The following GSE1 variants were observed in gnomAD, a reference collection of about 807,000 sequenced individuals.
GSE1 encodes genetic suppressor element 1.
In GSE1, 32 loss-of-function variants were observed where a neutral mutation model predicts 112.6. That is an observed-to-expected ratio of 0.28 (90% CI 0.21 to 0.38). The LOEUF is 0.38. GSE1 is among the 10% of genes least tolerant of loss of function. The pLI is 1.00. For synonymous variants in GSE1, 1,115 were observed against 735.6 expected, an observed-to-expected ratio of 1.52 and a Z score of -8.35; for missense variants, 2,348 against 1,699.2, an observed-to-expected ratio of 1.38 and a Z score of -6.71.
In GSE1 at chr16:85,509,370, G is replaced by C. The variant is rs140844616; in HGVS notation, c.2465-124544G>C. ...CACTAAGTTTCTCCTCAGAACAATG[G>C]GGGAGTGGCTGGCTCCCATCTGGTG... On this transcript the variant is annotated intron_variant, in intron 2 of 2. Transcript: ENST00000637419. 1.9e-3 allele frequency among the ~76,000 whole-genome samples: 296 copies of C among 152,328 alleles called. 2 individuals carry two copies. The highest frequency in any genetic ancestry group is 7.0e-3 in the African/African-American group (292 of 41,568).
intron 1 of GSE1, among the ~76,000 whole-genome samples, chr16:85,337,633 G>C (rs879882207): frequency 6.6e-6 from 1 of 150,914 alleles, no homozygotes; most frequent in Non-Finnish European, 1.5e-5. Flanking sequence ...CAGGGAAACC[G>C]GGGACCTGGC....
chr16:85,479,748 C>T (rs1282589263), intron 2 of GSE1, among the ~76,000 whole-genome samples: 1 of 152,218 alleles, frequency 6.6e-6, no homozygotes, highest in Non-Finnish European at 1.5e-5. Flanking sequence ...CGTCCCATTG[C>T]CGTGTGAACA....
chr16:85,340,147 A>C (rs1357919816), intron 1 of GSE1, among the ~76,000 whole-genome samples: 2 of 152,224 alleles, frequency 1.3e-5, no homozygotes, highest in Non-Finnish European at 2.9e-5. Flanking sequence ...CCAGGAGTTC[A>C]GACCAGCCTG....
intron 2 of GSE1, among the ~76,000 whole-genome samples, chr16:85,375,913 A>G (rs2047410319): frequency 2.0e-5 from 3 of 152,186 alleles, no homozygotes. Context: ...GCCCCATTTT[A>G]TAGGTGAAGA....
chr16:85,294,007 C>T (rs1056693926), intron 1 of GSE1, among the ~76,000 whole-genome samples: 10 of 152,320 alleles, frequency 6.6e-5, no homozygotes, highest in Middle Eastern at 3.4e-3. Flanking sequence ...TGCTTCGAGG[C>T]GCCCTCTGTG....
At chr16:85,633,804 C>CT in intron 1 of GSE1, 110 bp from the exon 2 acceptor site, 1 of 758,578 alleles carries the variant, frequency 1.3e-6, no homozygotes. Context: ...GCCCCCGGGG[C>CT]TGCCCCTGCT....
chr16:85,170,789 G>A, exon 1 of GSE1: 2 of 985,562 alleles, frequency 2.0e-6, no homozygotes, highest in Non-Finnish European at 2.4e-6. Flanking sequence ...ACCTTGGTGT[G>A]CGCCAGCTGC....
intron 1 of GSE1, among the ~76,000 whole-genome samples, chr16:85,583,848 C>G (rs2046564293): frequency 6.6e-6 from 1 of 152,210 alleles, no homozygotes; most frequent in Non-Finnish European, 1.5e-5. Context: ...GCCTGCCTCC[C>G]CGGCGGCCTC....
intron 1 of GSE1, among the ~76,000 whole-genome samples, chr16:85,625,553 G>C (rs556050612): frequency 6.6e-6 from 1 of 152,296 alleles, no homozygotes; most frequent in South Asian, 2.1e-4. Flanking sequence ...ACTGTCCAAT[G>C]CTGTTGTGTG....
chr16:85,379,633 T>A (rs4783177), intron 2 of GSE1, among the ~76,000 whole-genome samples: 1 of 152,184 alleles, frequency 6.6e-6, no homozygotes, highest in Non-Finnish European at 1.5e-5. Context: ...CGTTTTCCTG[T>A]GGCCCCTCCC....
chr16:85,226,670 G>A (rs1269980595), intron 1 of GSE1, among the ~76,000 whole-genome samples: 4 of 152,228 alleles, frequency 2.6e-5, no homozygotes, highest in South Asian at 2.1e-4. Context: ...CAGGGGGCTC[G>A]GCATGGGGAC....
chr16:85,633,850 C>A, intron 1 of GSE1, 64 bp from the exon 2 acceptor site: 1 of 1,342,150 alleles, frequency 7.5e-7, no homozygotes, highest in African/African-American at 1.5e-5. Context: ...CCCTGCCGAC[C>A]CTGCTCTGGT....
At chr16:85,325,358 T>G (rs1330904779) in intron 1 of GSE1, among the ~76,000 whole-genome samples, 1 of 152,180 alleles carries the variant, frequency 6.6e-6, no homozygotes, top group Non-Finnish European at 1.5e-5. Context: ...GGGGGCTCTT[T>G]ATTGTCCCTC....
At position 85,560,150 on chromosome 16, in the gene GSE1, T is replaced by TTA. The variant is rs1179259849; in HGVS notation, c.37+3787_37+3788insTA. ...CTTCTTTTTTTTTTTTTTTTTTTTT[T>TTA]ATGTGAGACGGAGTCTCTCTCTCTT... On this transcript the variant is annotated intron_variant, in intron 1 of 2. Transcript: ENST00000635906. 9.5e-4 allele frequency among the ~76,000 whole-genome samples: 138 copies of TTA among 145,208 alleles called. 1 individual carries two copies. The highest frequency in any genetic ancestry group is 2.7e-3 in the African/African-American group (106 of 38,860).
chr16:85,674,417 G>A lies in GSE1; in HGVS notation c.*1878G>A, dbSNP rs967999192. 2.6e-5 allele frequency: 4 copies of A among 151,690 alleles called. No homozygotes were observed. The highest frequency in any genetic ancestry group is 9.8e-5 in the African/African-American group (4 of 41,022). 9.4% of individuals were successfully genotyped at this position (151,690 alleles called of 1,614,324 possible). On this transcript the variant is annotated 3_prime_UTR_variant, in exon 16 of 16. Coordinates refer to ENST00000253458, the MANE Select transcript of GSE1 (RefSeq NM_014615.5). ...GCTGGAAGAGAACTCGAGGGGCTGT[G>A]CTGCAGGCCTCCCCTCGAAAGACAC...
intron 2 of GSE1, among the ~76,000 whole-genome samples, chr16:85,508,159 G>A (rs150350516): frequency 2.0e-3 from 307 of 152,258 alleles, no homozygotes; most frequent in African/African-American, 6.9e-3. Context: ...TCAGCCTCCC[G>A]AGTAGCTGGG....
At chr16:85,283,600 G>C (rs986974002) in intron 1 of GSE1, 1 of 152,412 alleles carries the variant, frequency 6.6e-6, no homozygotes, top group Admixed American at 6.5e-5. Context: ...CTCTCCCTGG[G>C]ATGGGCTGTG....
chr16:85,180,695 G>A (rs537383209), intron 1 of GSE1, among the ~76,000 whole-genome samples: 2 of 152,224 alleles, frequency 1.3e-5, no homozygotes, highest in South Asian at 2.1e-4. Flanking sequence ...GCCGGGATCC[G>A]CACCCAGGCT....
intron 1 of GSE1, among the ~76,000 whole-genome samples, chr16:85,174,360 T>C (rs1253974406): frequency 6.6e-6 from 1 of 152,108 alleles, no homozygotes. Flanking sequence ...TCCAGGTGGG[T>C]GGTGAGGCCG....
Sources: allele counts gnomAD v4.1 joint callset (sites outside exome capture counted in the v4.1 genomes callset), GRCh38; gene constraint gnomAD v4.1.1; transcripts MANE v1.5; gene names NCBI Gene and HGNC (gene_info 2026-07-23, HGNC 2026-07-21).